The following SRBD1 variants were observed in gnomAD, a reference collection of about 807,000 sequenced individuals.
SRBD1 encodes the protein S1 RNA-binding domain-containing protein 1.
SRBD1 carries 88 observed loss-of-function variants against 115.3 expected under a neutral mutation model. The observed-to-expected ratio is 0.76, with a 90% CI of 0.64 to 0.91. The LOEUF is 0.91. SRBD1 is among the 40% of genes least tolerant of loss of function. SRBD1 has a pLI of 0.00. For missense variants in SRBD1, 1,385 were observed against 1,177.4 expected (o/e 1.18, Z -2.58); for synonymous variants, 509 against 407.7 (o/e 1.25, Z -2.99).
chr2:45,493,821 A>T (rs555468046), intron 14 of SRBD1, among the ~76,000 whole-genome samples: 270 of 152,166 alleles, frequency 1.8e-3, no homozygotes, highest in African/African-American at 6.3e-3. Flanking sequence ...CAAAAAAAAA[A>T]AAAAATAAAA....
chr2:45,538,223 A>T (rs1305503960), intron 14 of SRBD1, among the ~76,000 whole-genome samples: 2 of 152,004 alleles, frequency 1.3e-5, no homozygotes, highest in Admixed American at 1.3e-4. Flanking sequence ...TCTTCATAAC[A>T]CCCCATGAAA....
At chr2:45,590,222 G>C (rs1170088061) in intron 4 of SRBD1, among the ~76,000 whole-genome samples, 1 of 152,206 alleles carries the variant, frequency 6.6e-6, no homozygotes, top group Non-Finnish European at 1.5e-5. Flanking sequence ...ATTCCATCTT[G>C]TTCCTAACCT....
At chr2:45,604,300 C>G (rs1456190115) in intron 2 of SRBD1, among the ~76,000 whole-genome samples, 1 of 143,808 alleles carries the variant, frequency 7.0e-6, no homozygotes, top group Non-Finnish European at 1.5e-5. Context: ...CAGGGAAGAT[C>G]AAGTTGGAGA....
chr2:45,555,163 T>C (rs1444653423), intron 10 of SRBD1, among the ~76,000 whole-genome samples: 1 of 152,118 alleles, frequency 6.6e-6, no homozygotes, highest in Non-Finnish European at 1.5e-5. Flanking sequence ...GAGGCCAAAG[T>C]GGGAGGATCA....
intron 10 of SRBD1, among the ~76,000 whole-genome samples, chr2:45,561,099 C>G (rs1389221431): frequency 6.6e-6 from 1 of 151,954 alleles, no homozygotes; most frequent in East Asian, 1.9e-4. Context: ...AGAGTGAGAC[C>G]CTGTCTCTCA....
At chr2:45,421,883 A>G (rs1437053033) in intron 16 of SRBD1, among the ~76,000 whole-genome samples, 1 of 152,188 alleles carries the variant, frequency 6.6e-6, no homozygotes, top group East Asian at 1.9e-4. Context: ...TGTCATTTTA[A>G]AAATCTAATA....
At chr2:45,610,717 G>T (rs537071112) in intron 1 of SRBD1, among the ~76,000 whole-genome samples, 117 of 152,174 alleles carry the variant, frequency 7.7e-4, no homozygotes, top group Non-Finnish European at 1.3e-3. Context: ...CACCATGACC[G>T]TGAAAAGGGT....
At chr2:45,485,591 G>C (rs539388231) in intron 15 of SRBD1, among the ~76,000 whole-genome samples, 1 of 152,264 alleles carries the variant, frequency 6.6e-6, no homozygotes, top group East Asian at 1.9e-4. Context: ...GGGAATATAA[G>C]CATATATATA....
intron 10 of SRBD1, among the ~76,000 whole-genome samples, chr2:45,558,685 A>ATTTT (rs1214807980): frequency 0.015 from 1,373 of 89,026 alleles, no homozygotes; most frequent in African/African-American, 0.019. Flanking sequence ...CCACACAATT[A>ATTTT]TTTTTTTTTT....
chr2:45,446,728 A>G (rs949904117), intron 16 of SRBD1, among the ~76,000 whole-genome samples: 1 of 151,982 alleles, frequency 6.6e-6, no homozygotes, highest in African/African-American at 2.4e-5. Flanking sequence ...AACACCTACA[A>G]AAAAACAAAA....
chr2:45,414,722 ACACACACAGTGTGTATATAGTATG>A (rs1667733948), intron 18 of SRBD1, among the ~76,000 whole-genome samples: 1 of 116,718 alleles, frequency 8.6e-6, no homozygotes, highest in Admixed American at 8.1e-5. Flanking sequence ...ATGTATATAC[ACACACACAGTGTGTATATAGTATG>A]TACACACACA....
chr2:45,610,981 G>A (rs529577550), intron 1 of SRBD1, among the ~76,000 whole-genome samples: 2 of 152,036 alleles, frequency 1.3e-5, no homozygotes, highest in Middle Eastern at 3.4e-3. Context: ...TATGCGCTAA[G>A]AGCTGCAGCA....
intron 14 of SRBD1, among the ~76,000 whole-genome samples, chr2:45,544,277 A>G (rs961469593): frequency 2.0e-5 from 3 of 152,020 alleles, no homozygotes; most frequent in South Asian, 4.1e-4. Context: ...GGGTCTCCCT[A>G]AACTCAAAGA....
intron 16 of SRBD1, among the ~76,000 whole-genome samples, chr2:45,443,109 A>G (rs1668720302): frequency 6.6e-6 from 1 of 152,210 alleles, no homozygotes; most frequent in Non-Finnish European, 1.5e-5. Context: ...TCCAGAGACA[A>G]CGGGAACAGA....
Position 45,397,041 on chromosome 2 carries a change from T to C in SRBD1, c.2514-3912A>G, listed in dbSNP as rs535254991. ...AGAGACTTTCCTACTTGTCTATTTT[T>C]ACCCATTAGCTTTACTCAGTTTTAA... On this transcript the variant is annotated intron_variant, in intron 19 of 20. Coordinates refer to ENST00000263736, the MANE Select transcript of SRBD1 (RefSeq NM_018079.5). Among the ~76,000 whole-genome samples, 4 of 152,330 alleles carry C rather than the reference T, an allele frequency of 2.6e-5. No homozygotes were observed. In the South Asian group the frequency reaches 8.3e-4, roughly 32 times the overall value.
At chr2:45,429,729 A>G (rs1036695350) in intron 16 of SRBD1, among the ~76,000 whole-genome samples, 1 of 152,232 alleles carries the variant, frequency 6.6e-6, no homozygotes, top group Non-Finnish European at 1.5e-5. Flanking sequence ...GAAAACCAGC[A>G]CAAGACAAGG....
chr2:45,608,064 C>G lies in SRBD1; in HGVS notation c.1-2623G>C, dbSNP rs115523728. Among the ~76,000 whole-genome samples the G allele has an allele frequency of 6.5e-3, 985 of 152,338 alleles. 16 individuals carry two copies. Among genetic ancestry groups the G allele is most frequent in the African/African-American group, 0.022 (935 of 41,578 alleles). On this transcript the variant is annotated intron_variant, in intron 1 of 20. Transcript: ENST00000263736. ...TGCCTGAATTCAGAACATTCCCACA[C>G]AGACTACCATATACTAATTCTATCT...
chr2:45,451,802 TTGTC>T (rs997826320), intron 16 of SRBD1, among the ~76,000 whole-genome samples: 8 of 151,824 alleles, frequency 5.3e-5, no homozygotes, highest in Non-Finnish European at 2.9e-5. Flanking sequence ...ACCAATGCAA[TTGTC>T]TGTCTGGGCA....
At chr2:45,413,507 T>G (rs918033810) in intron 18 of SRBD1, among the ~76,000 whole-genome samples, 3 of 152,190 alleles carry the variant, frequency 2.0e-5, no homozygotes, top group African/African-American at 7.2e-5. Flanking sequence ...CTTAACTGAT[T>G]GTATAATTGC....
Sources: gnomAD v4.1 joint callset for allele counts (sites outside exome capture counted in the v4.1 genomes callset) on GRCh38, gnomAD v4.1.1 for gene constraint, MANE v1.5 for transcripts, NCBI Gene and HGNC (gene_info 2026-07-23, HGNC 2026-07-21) for gene names.